Variants in WWC1 observed in about 807,000 individuals in gnomAD.
The protein encoded by WWC1 is WW and C2 domain containing 1, also known as protein KIBRA.
Under a neutral mutation model 138.4 loss-of-function variants are expected in WWC1, and 55 were observed. That is an observed-to-expected ratio of 0.40 (90% CI 0.32 to 0.50). WWC1 has a LOEUF of 0.50. Among genes scored for constraint, WWC1 ranks in the 20% least tolerant of loss-of-function variants. WWC1 has a pLI of 0.72. For missense variants in WWC1, 1,226 were observed against 1,420.4 expected (o/e 0.86, Z 2.20); for synonymous variants, 524 against 564.9 (o/e 0.93, Z 1.03).
In WWC1 at chr5:168,423,832, C is replaced by G; in HGVS notation, c.1574C>G (p.Ser525Cys). Residue 525 changes from serine (S) to cysteine (C), a missense_variant, in exon 11 of 23, where the codon TCT (serine) becomes TGT (cysteine). Ser to Cys is a moderately radical substitution (Grantham distance 112). Transcript: ENST00000265293. ...CGCCTGCAGGCTCTGCGTTCCCTGT[C>G]TGGCACCCCAAAGTCCATGACCTCC... ...GGRLQALRSL[S>C]GTPKSMTSLS... 6.2e-7 allele frequency: 1 copy of G among 1,614,194 alleles called. No homozygotes were observed. Among genetic ancestry groups the G allele is most frequent in the Non-Finnish European group, 8.5e-7 (1 of 1,180,024 alleles).
chr5:168,398,250 CCCG>C (rs1779058991), intron 4 of WWC1, among the ~76,000 whole-genome samples: 1 of 152,054 alleles, frequency 6.6e-6, no homozygotes. Context: ...ACTATAGGCG[CCCG>C]CCACCACACC....
intron 1 of WWC1, among the ~76,000 whole-genome samples, chr5:168,313,595 GAA>G (rs753224918): frequency 2.4e-5 from 3 of 125,438 alleles, no homozygotes; most frequent in Non-Finnish European, 3.5e-5. Context: ...TCTCAAAAAC[GAA>G]AAAAAAAAAA....
chr5:168,325,356 G>C (rs916003834), intron 1 of WWC1, among the ~76,000 whole-genome samples: 3 of 152,212 alleles, frequency 2.0e-5, no homozygotes, highest in Admixed American at 1.3e-4. Flanking sequence ...GTCCTGGAGT[G>C]GTGGATGGCA....
intron 9 of WWC1, among the ~76,000 whole-genome samples, chr5:168,416,684 G>A (rs944499313): frequency 2.6e-5 from 4 of 152,086 alleles, no homozygotes; most frequent in Non-Finnish European, 5.9e-5. Context: ...TGGGTCAAAA[G>A]CAATACGCTT....
chr5:168,464,203 T>C (rs994283821), intron 20 of WWC1, among the ~76,000 whole-genome samples: 6 of 152,094 alleles, frequency 3.9e-5, no homozygotes, highest in Admixed American at 3.9e-4. Context: ...TAGGGGCCCA[T>C]TACAGGAACA....
chr5:168,386,416 G>A (rs1309922154), intron 3 of WWC1, among the ~76,000 whole-genome samples: 10 of 149,242 alleles, frequency 6.7e-5, no homozygotes, highest in African/African-American at 1.7e-4. Context: ...CTTTTGAGAC[G>A]GAGTCTCGCT....
chr5:168,297,344 C>A (rs1769626629), intron 1 of WWC1, among the ~76,000 whole-genome samples: 1 of 152,114 alleles, frequency 6.6e-6, no homozygotes. Flanking sequence ...AATTGAGAAC[C>A]AGCCTGGTGC....
intron 3 of WWC1, among the ~76,000 whole-genome samples, chr5:168,389,773 T>A (rs547738389): frequency 9.2e-5 from 14 of 152,110 alleles, no homozygotes; most frequent in Non-Finnish European, 1.9e-4. Context: ...CTCAGCACCA[T>A]TAACATTTCA....
chr5:168,431,507 C>T lies in WWC1; in HGVS notation c.2280+63C>T, dbSNP rs1582275548. ...CTGGCTGGCTGGCTGGCTGGCTGAC[C>T]GGCCTTCTGTGTTTATGGGGATTGG... On this transcript the variant is annotated intron_variant, in intron 15 of 22. Transcript: ENST00000265293. The T allele has an allele frequency of 3.3e-5, 50 of 1,520,290 alleles. 1 individual carries two copies. The highest frequency in any genetic ancestry group is 9.8e-5 in the South Asian group (8 of 81,364). 94.2% of individuals were successfully genotyped at this position (1,520,290 alleles called of 1,614,324 possible). A position where few individuals can be genotyped will look rare whatever the true frequency, so the allele number is the denominator to read the frequency against.
chr5:168,468,440 A>G (rs931073837), intron 22 of WWC1, among the ~76,000 whole-genome samples: 2 of 151,976 alleles, frequency 1.3e-5, no homozygotes, highest in Non-Finnish European at 2.9e-5. Flanking sequence ...CAGAGGCCCT[A>G]GCGTTTAGAC....
At chr5:168,304,512 C>T (rs759738627) in intron 1 of WWC1, among the ~76,000 whole-genome samples, 1 of 152,184 alleles carries the variant, frequency 6.6e-6, no homozygotes, top group African/African-American at 2.4e-5. Flanking sequence ...TTTTTGCCCT[C>T]GTACAATGGT....
rs200222307 is a variant in WWC1, at chr5:168,385,318, A to T, written c.337A>T (p.Ile113Phe). 6.2e-7 allele frequency: 1 copy of T among 1,614,018 alleles called. No homozygotes were observed. Among genetic ancestry groups the T allele is most frequent in the Admixed American group, 1.7e-5 (1 of 60,012 alleles). The change falls in exon 3 of 23, where the codon ATC becomes TTC. Residue 113 changes from isoleucine to phenylalanine, a missense_variant. Coordinates refer to ENST00000265293, the MANE Select transcript of WWC1 (RefSeq NM_015238.3). ...GGAGGCTCTGAGTGCACAAAAGGAG[A>T]TCTACCAGGTGAAGCAGCAGCGCCT... ...AQEALSAQKE[I>F]YQVKQQRLEL...
Position 168,460,742 on chromosome 5 carries a change from G to A in WWC1, c.2916G>A (p.Arg972=), listed in dbSNP as rs1164541445. 2.5e-6 allele frequency: 4 copies of A among 1,614,088 alleles called. No individual in the cohort carries two copies. The highest frequency in any genetic ancestry group is 2.5e-6 in the Non-Finnish European group (3 of 1,179,982). The change falls in exon 20 of 23, where the codon CGG becomes CGA. Residue 972 remains arginine, a splice_region_variant and synonymous_variant. Transcript: ENST00000265293. ...SLERRSVRMK[R]PSSVKSLRSE... ...AGCGACGCAGCGTCCGGATGAAGCG[G>A]GTAAGAGAGTCACCTCAAAGCTATT...
At chr5:168,339,806 TTTTCTTTC>T (rs138461958) in intron 1 of WWC1, among the ~76,000 whole-genome samples, 25 of 142,722 alleles carry the variant, frequency 1.8e-4, no homozygotes, top group South Asian at 4.4e-4. Context: ...TTCTTTTTGT[TTTTCTTTC>T]TTTCTTTCTT....
rs79016875 is a variant in WWC1, at chr5:168,470,523, CAAAA to C, written c.*1519_*1522del. The C allele has an allele frequency of 4.7e-5, 4 of 85,616 alleles. No homozygotes were observed. Among genetic ancestry groups the C allele is most frequent in the Non-Finnish European group, 4.8e-5 (2 of 41,776 alleles). 5.3% of individuals were successfully genotyped at this position (85,616 alleles called of 1,614,324 possible). A position where few individuals can be genotyped will look rare whatever the true frequency, so the allele number is the denominator to read the frequency against. ...TGGGTGACAGAGCAAGACTCCGTCT[CAAAA>C]AAAAAAAAAAAAGAAAAATGCAGAC... On this transcript the variant is annotated 3_prime_UTR_variant, in exon 23 of 23. Coordinates refer to ENST00000265293, the MANE Select transcript of WWC1 (RefSeq NM_015238.3).
At chr5:168,401,756 T>C (rs1391820611) in intron 5 of WWC1, among the ~76,000 whole-genome samples, 1 of 152,224 alleles carries the variant, frequency 6.6e-6, no homozygotes, top group Non-Finnish European at 1.5e-5. Flanking sequence ...CATATACCAA[T>C]CTTGTCTCTC....
chr5:168,350,896 A>G (rs1467023124), intron 1 of WWC1, among the ~76,000 whole-genome samples: 3 of 152,314 alleles, frequency 2.0e-5, no homozygotes, highest in East Asian at 1.9e-4. Flanking sequence ...CTGTAATCCC[A>G]GCACTTTGGG....
chr5:168,307,407 G>C (rs1031169498), intron 1 of WWC1, among the ~76,000 whole-genome samples: 3 of 152,022 alleles, frequency 2.0e-5, no homozygotes, highest in Non-Finnish European at 4.4e-5. Flanking sequence ...CTTTCTTCCA[G>C]TTGTACAGTG....
chr5:168,412,064 C>T, intron 8 of WWC1: 1 of 985,474 alleles, frequency 1.0e-6, no homozygotes, highest in Non-Finnish European at 1.2e-6. Context: ...ACTTCTTGTT[C>T]TCTCTGAAGA....
Sources: allele counts gnomAD v4.1 joint callset (sites outside exome capture counted in the v4.1 genomes callset), GRCh38; gene constraint gnomAD v4.1.1; transcripts MANE v1.5; gene names NCBI Gene and HGNC (gene_info 2026-07-23, HGNC 2026-07-21).